AKAP19: variants seen among roughly 807,000 people sequenced by gnomAD.
AKAP19 encodes the protein A-kinase anchoring protein 19, also known as small A-kinase anchoring protein.
At chr2:190,086,411 A>G in the AKAP19 span, among the ~76,000 whole-genome samples, 2 of 152,152 alleles carry the variant, frequency 1.3e-5, no homozygotes, top group African/African-American at 4.8e-5. Flanking sequence ...AATTCTCACT[A>G]CTTATCACTT....
chr2:189,954,998 GAT>G, the AKAP19 span, among the ~76,000 whole-genome samples: 2 of 152,068 alleles, frequency 1.3e-5, no homozygotes, highest in Non-Finnish European at 2.9e-5. Flanking sequence ...GTGTTACATG[GAT>G]ATATTGCATA....
At chr2:190,102,337 A>G in the AKAP19 span, among the ~76,000 whole-genome samples, 1 of 152,190 alleles carries the variant, frequency 6.6e-6, no homozygotes, top group Non-Finnish European at 1.5e-5. Context: ...TAACTAAAAA[A>G]AAAGAGTAGA....
the AKAP19 span, among the ~76,000 whole-genome samples, chr2:190,052,029 C>T: frequency 6.6e-6 from 1 of 151,850 alleles, no homozygotes; most frequent in African/African-American, 2.4e-5. Context: ...TTAGTAGAGA[C>T]GGTGTTTCAC....
chr2:190,181,230 AT>A, the AKAP19 span: 1 of 856,270 alleles, frequency 1.2e-6, no homozygotes, highest in African/African-American at 1.8e-5. Context: ...GGAGGCTTTA[AT>A]TAAACGAGAC....
At chr2:190,014,053 C>T in the AKAP19 span, among the ~76,000 whole-genome samples, 4 of 152,210 alleles carry the variant, frequency 2.6e-5, no homozygotes, top group Non-Finnish European at 5.9e-5. Context: ...TATATAGGCA[C>T]TTATTGCTAT....
At chr2:189,922,607 G>A in the AKAP19 span, among the ~76,000 whole-genome samples, 1 of 152,222 alleles carries the variant, frequency 6.6e-6, no homozygotes, top group Non-Finnish European at 1.5e-5. Context: ...AGAAAAATTT[G>A]TGTTGTCCAA....
At chr2:190,056,019 A>G in the AKAP19 span, 7 of 152,696 alleles carry the variant, frequency 4.6e-5, no homozygotes, top group Admixed American at 1.3e-4. Flanking sequence ...TAAACCATTG[A>G]AATTTCAAAT....
At chr2:190,026,742 A>G in the AKAP19 span, among the ~76,000 whole-genome samples, 2 of 152,202 alleles carry the variant, frequency 1.3e-5, no homozygotes, top group Non-Finnish European at 2.9e-5. Flanking sequence ...GAGAATATAG[A>G]GATGTGAGTA....
At chr2:189,931,267 T>C in the AKAP19 span, among the ~76,000 whole-genome samples, 2 of 152,178 alleles carry the variant, frequency 1.3e-5, no homozygotes, top group Admixed American at 6.5e-5. Context: ...GTAAAAATAG[T>C]ACACCCTTCA....
the AKAP19 span, among the ~76,000 whole-genome samples, chr2:190,036,713 T>G: frequency 1.3e-5 from 2 of 152,186 alleles, no homozygotes; most frequent in Middle Eastern, 3.2e-3. Context: ...TAGAATAGAC[T>G]CATATATCAT....
At chr2:190,088,908 G>C in the AKAP19 span, among the ~76,000 whole-genome samples, 3 of 152,330 alleles carry the variant, frequency 2.0e-5, no homozygotes, top group East Asian at 5.8e-4. Flanking sequence ...CAATTATGAA[G>C]TAAGGAGGTT....
At chr2:190,116,419 G>A in the AKAP19 span, among the ~76,000 whole-genome samples, 303 of 152,254 alleles carry the variant, frequency 2.0e-3, 1 homozygote, top group Admixed American at 3.9e-3. Flanking sequence ...CCATTCATGA[G>A]GGTGGAGCTC....
At chr2:190,023,793 GTGTATA>G in the AKAP19 span, among the ~76,000 whole-genome samples, 3 of 59,506 alleles carry the variant, frequency 5.0e-5, no homozygotes, top group Non-Finnish European at 4.1e-5. Context: ...TAATGTGTGT[GTGTATA>G]TATATATATA....
At chr2:190,034,821 T>C in the AKAP19 span, among the ~76,000 whole-genome samples, 1 of 113,034 alleles carries the variant, frequency 8.8e-6, no homozygotes, top group South Asian at 3.0e-4. Context: ...ACCACTGAAC[T>C]CCAGCCTGGG....
the AKAP19 span, among the ~76,000 whole-genome samples, chr2:190,159,298 C>T: frequency 0.95 from 144,445 of 152,240 alleles, 68,995 homozygotes; most frequent in East Asian, 1. Context: ...GGGCAAAGTC[C>T]CCCAGGAGGC....
chr2:189,953,607 C>G, the AKAP19 span, among the ~76,000 whole-genome samples: 3 of 143,336 alleles, frequency 2.1e-5, no homozygotes, highest in Non-Finnish European at 3.0e-5. Context: ...GCACTCCAGC[C>G]TGGGTGACAA....
the AKAP19 span, among the ~76,000 whole-genome samples, chr2:190,140,230 A>T: frequency 6.6e-6 from 1 of 152,062 alleles, no homozygotes; most frequent in Admixed American, 6.5e-5. Flanking sequence ...GGCTGCTTTC[A>T]TGGGCTGCTG....
At chr2:190,160,471 T>A in the AKAP19 span, among the ~76,000 whole-genome samples, 1 of 152,218 alleles carries the variant, frequency 6.6e-6, no homozygotes, top group Non-Finnish European at 1.5e-5. Flanking sequence ...GCATAGCTTA[T>A]CTGTGCTAAA....
the AKAP19 span, among the ~76,000 whole-genome samples, chr2:190,096,048 G>A: frequency 6.6e-6 from 1 of 152,106 alleles, no homozygotes; most frequent in South Asian, 2.1e-4. Context: ...TTTCTTCATG[G>A]AGCTAAACAC....
Sources: gnomAD v4.1 joint callset for allele counts (sites outside exome capture counted in the v4.1 genomes callset) on GRCh38, gnomAD v4.1.1 for gene constraint, MANE v1.5 for transcripts, NCBI Gene and HGNC (gene_info 2026-07-23, HGNC 2026-07-21) for gene names.